Variants in ARID1B observed in about 807,000 individuals in gnomAD.
The protein encoded by ARID1B is AT-rich interactive domain-containing protein 1B.
A neutral mutation model predicts 212.3 loss-of-function variants in ARID1B; 30 were observed. That is an observed-to-expected ratio of 0.14 (90% CI 0.11 to 0.19). ARID1B has a LOEUF of 0.19. Ranked by LOEUF, ARID1B falls within the 10% of genes least tolerant of loss-of-function variation. ARID1B has a pLI of 1.00. For missense variants in ARID1B, 2,891 were observed against 3,204.0 expected (o/e 0.90, Z 2.36); for synonymous variants, 1,402 against 1,301.7 (o/e 1.08, Z -1.66).
At chr6:156,970,091 G>GT (rs139409889) in intron 4 of ARID1B, among the ~76,000 whole-genome samples, 29,511 of 151,538 alleles carry the variant, frequency 0.19, 3,166 homozygotes, top group East Asian at 0.41. Context: ...GTTTTGTTTT[G>GT]TTTTTTGAGA....
chr6:156,804,867 CAAA>C lies in ARID1B; in HGVS notation c.1792-24340_1792-24338del, dbSNP rs61315445. Among the ~76,000 whole-genome samples, 397 of 85,108 alleles carry C rather than the reference CAAA, an allele frequency of 4.7e-3. 1 individual carries two copies. Among genetic ancestry groups the C allele is most frequent in the African/African-American group, 0.016 (379 of 23,038 alleles). 55.8% of individuals were successfully genotyped at this position (85,108 alleles called of 152,430 possible). A position where few individuals can be genotyped will look rare whatever the true frequency, so the allele number is the denominator to read the frequency against. On this transcript the variant is annotated intron_variant, in intron 1 of 19. Transcript: ENST00000636930. Reference sequence around the variant, plus strand: ...ACTAAGAGAGATGTGATCTGATTGGCAAAAAAAAAAAAAAAAAAAAAAGAAATT... The same window carrying C: ...ACTAAGAGAGATGTGATCTGATTGGCAAAAAAAAAAAAAAAAAAAGAAATT...
intron 9 of ARID1B, chr6:157,172,973 C>G (rs1791823736): frequency 6.6e-6 from 1 of 152,128 alleles, no homozygotes. Context: ...GCTCATCATT[C>G]TCTCCCGTCT....
At chr6:157,166,526 T>C (rs1791335878) in intron 8 of ARID1B, 1 of 152,284 alleles carries the variant, frequency 6.6e-6, no homozygotes, top group Non-Finnish European at 1.5e-5. Flanking sequence ...ATTACCAAAG[T>C]TAAAGAGTAG....
intron 5 of ARID1B, among the ~76,000 whole-genome samples, chr6:157,097,005 C>G (rs538687286): frequency 1.3e-5 from 2 of 152,322 alleles, no homozygotes; most frequent in South Asian, 2.1e-4. Flanking sequence ...AGATTTCACT[C>G]AGGAGCCTGG....
rs188784850 is a variant in ARID1B, at chr6:156,904,155, A to G, written c.2136+2630A>G. ...GTATGTTTTTCTAGAGTTTCTTTAT[A>G]TCAAGAAGCACAATACCATACTTTT... On this transcript the variant is annotated intron_variant, in intron 3 of 19. Coordinates refer to ENST00000636930, the MANE Select transcript of ARID1B (RefSeq NM_001374828.1). Among the ~76,000 whole-genome samples, 20 of 152,324 alleles carry G rather than the reference A, an allele frequency of 1.3e-4. No homozygotes were observed. The East Asian group carries it at 3.3e-3, about 25-fold the overall frequency.
chr6:157,177,572 A>G (rs1041439198), intron 11 of ARID1B, among the ~76,000 whole-genome samples: 44 of 152,190 alleles, frequency 2.9e-4, no homozygotes, highest in African/African-American at 1.1e-3. Context: ...AAAAATAAAC[A>G]TTTGTCCATA....
chr6:157,162,987 G>C (rs140450196), intron 8 of ARID1B, among the ~76,000 whole-genome samples: 1 of 152,300 alleles, frequency 6.6e-6, no homozygotes, highest in South Asian at 2.1e-4. Flanking sequence ...CCAAGGGTCT[G>C]GGGGGAGGCT....
chr6:156,848,220 C>T (rs903643845), intron 2 of ARID1B, among the ~76,000 whole-genome samples: 2 of 152,218 alleles, frequency 1.3e-5, no homozygotes. Flanking sequence ...TTCAGTTGTA[C>T]TGTTGCTGTA....
intron 2 of ARID1B, among the ~76,000 whole-genome samples, chr6:156,848,346 T>C (rs1275388944): frequency 6.6e-6 from 1 of 152,218 alleles, no homozygotes; most frequent in Admixed American, 6.5e-5. Flanking sequence ...ATAACAAAAG[T>C]CAAGTCTGTA....
intron 4 of ARID1B, among the ~76,000 whole-genome samples, chr6:157,084,345 C>T (rs893436968): frequency 1.3e-5 from 2 of 152,092 alleles, no homozygotes; most frequent in African/African-American, 4.8e-5. Context: ...AGGCAGAGTG[C>T]TGTCTGTGTT....
intron 4 of ARID1B, among the ~76,000 whole-genome samples, chr6:157,076,447 TA>T (rs1233922774): frequency 6.6e-6 from 1 of 151,940 alleles, no homozygotes; most frequent in Admixed American, 6.6e-5. Flanking sequence ...CTAATTTTTT[TA>T]AAGTTGCTAA....
At position 157,084,143 on chromosome 6, in the gene ARID1B, C is replaced by A. The variant is rs12208916; in HGVS notation, c.2248-519C>A. On this transcript the variant is annotated intron_variant, in intron 4 of 19. Transcript: ENST00000636930. ...GAGTGAGACTTCATCACCTCCCCCC[C>A]AAAAAAAAAAAAACTTTCTCATCAC... Among the ~76,000 whole-genome samples, 1,145 of 134,202 alleles carry A rather than the reference C, an allele frequency of 8.5e-3. 29 individuals carry two copies. The highest frequency in any genetic ancestry group is 0.025 in the African/African-American group (921 of 36,392). The allele number at this position is 134,202 out of a possible 152,430, so 88.0% of individuals were successfully genotyped here. A position where few individuals can be genotyped will look rare whatever the true frequency, so the allele number is the denominator to read the frequency against.
At chr6:156,831,370 C>T (rs925387404) in intron 2 of ARID1B, among the ~76,000 whole-genome samples, 2 of 152,170 alleles carry the variant, frequency 1.3e-5, no homozygotes, top group Non-Finnish European at 2.9e-5. Flanking sequence ...TCTTGGGCTC[C>T]CCACTTTGCT....
chr6:156,855,739 G>A (rs907274684), intron 2 of ARID1B, among the ~76,000 whole-genome samples: 8 of 152,114 alleles, frequency 5.3e-5, no homozygotes, highest in East Asian at 1.9e-4. Flanking sequence ...GTGAGTGTGC[G>A]TGCATGTGAG....
chr6:157,072,436 A>G (rs927011041), intron 4 of ARID1B: 2 of 152,226 alleles, frequency 1.3e-5, no homozygotes, highest in African/African-American at 4.8e-5. Flanking sequence ...AGGCATTTAA[A>G]AAGGCACGTA....
At chr6:156,970,499 T>C (rs1776854469) in intron 4 of ARID1B, among the ~76,000 whole-genome samples, 1 of 152,240 alleles carries the variant, frequency 6.6e-6, no homozygotes, top group Non-Finnish European at 1.5e-5. Flanking sequence ...GCTTTAACTA[T>C]TTAACCAAGA....
intron 1 of ARID1B, among the ~76,000 whole-genome samples, chr6:156,824,085 T>G (rs540091230): frequency 6.6e-6 from 1 of 152,314 alleles, no homozygotes; most frequent in East Asian, 1.9e-4. Context: ...TTCTTAAAAA[T>G]AGACAATGTA....
chr6:157,083,291 A>G (rs956234520), intron 4 of ARID1B, among the ~76,000 whole-genome samples: 12 of 152,230 alleles, frequency 7.9e-5, no homozygotes, highest in African/African-American at 2.9e-4. Context: ...ACTCCATTCT[A>G]TAGTATGTAG....
intron 1 of ARID1B, among the ~76,000 whole-genome samples, chr6:156,826,867 A>G (rs531364396): frequency 2.6e-5 from 4 of 152,264 alleles, no homozygotes; most frequent in African/African-American, 7.2e-5. Flanking sequence ...CAGAGTGTCT[A>G]CATTTTCTGG....
Sources: allele counts gnomAD v4.1 joint callset (sites outside exome capture counted in the v4.1 genomes callset), GRCh38; gene constraint gnomAD v4.1.1; transcripts MANE v1.5; gene names NCBI Gene and HGNC (gene_info 2026-07-23, HGNC 2026-07-21).